Variants in CNTN4 observed in about 807,000 individuals in gnomAD.
CNTN4 encodes the protein contactin-4.
A neutral mutation model predicts 122.5 loss-of-function variants in CNTN4; 77 were observed. That is an observed-to-expected ratio of 0.63 (90% CI 0.52 to 0.76). The LOEUF is 0.76. Among genes scored for constraint, CNTN4 ranks in the 30% least tolerant of loss-of-function variants. CNTN4 has a pLI of 0.00. For missense variants in CNTN4, 1,256 were observed against 1,259.1 expected, an observed-to-expected ratio of 1.00 and a Z score of 0.04; for synonymous variants, 512 against 447.0, an observed-to-expected ratio of 1.15 and a Z score of -1.83.
chr3:2,359,909 T>G (rs2045051607), intron 3 of CNTN4, among the ~76,000 whole-genome samples: 1 of 152,206 alleles, frequency 6.6e-6, no homozygotes, highest in Admixed American at 6.5e-5. Flanking sequence ...TACCAAATTC[T>G]AAGTATTGTG....
intron 3 of CNTN4, among the ~76,000 whole-genome samples, chr3:2,400,429 A>ATATATATATATATATATG (rs2046809572): frequency 2.5e-4 from 3 of 11,948 alleles, no homozygotes; most frequent in Non-Finnish European, 4.0e-4. Flanking sequence ...ATATATATAC[A>ATATATATATATATATATG]TATATATATA....
At position 2,872,111 on chromosome 3, in the gene CNTN4, A is replaced by G. The variant is rs555640952; in HGVS notation, c.652+5162A>G. 3.0e-5 allele frequency among the ~76,000 whole-genome samples: 3 copies of G among 101,386 alleles called. No homozygotes were observed. The South Asian group carries it at 1.1e-3, about 37-fold the overall frequency. The allele number at this position is 101,386 out of a possible 152,430, so 66.5% of individuals were successfully genotyped here. ...TAAATAGTGATGAGCCTGCTCTGTT[A>G]TATGCTTCCTGCACAGATCTCAAAG... On this transcript the variant is annotated intron_variant, in intron 8 of 24. Transcript: ENST00000418658.
At chr3:2,916,377 A>G (rs2094355112) in intron 12 of CNTN4, among the ~76,000 whole-genome samples, 1 of 148,860 alleles carries the variant, frequency 6.7e-6, no homozygotes, top group South Asian at 2.2e-4. Context: ...GTCCCTGGGT[A>G]CTTGAGATTA....
intron 12 of CNTN4, among the ~76,000 whole-genome samples, chr3:2,925,326 C>T (rs200897380): frequency 3.3e-5 from 5 of 152,174 alleles, no homozygotes; most frequent in African/African-American, 4.8e-5. Context: ...GAGGCTGAGG[C>T]GGGCGGATCA....
Position 2,452,574 on chromosome 3 carries a change from G to A in CNTN4, c.-89+113341G>A, listed in dbSNP as rs542121685. Among the ~76,000 whole-genome samples, 3 of 152,240 alleles carry A rather than the reference G, an allele frequency of 2.0e-5. No homozygotes were observed. In the South Asian group the frequency reaches 6.2e-4, roughly 32 times the overall value. ...AGGCCATAACATTAGGTGGAGGAGG[G>A]CATGCGCACGGTTCCTGAAACTTAA... is the stretch of plus-strand genomic sequence containing the variant. On this transcript the variant is annotated intron_variant, in intron 3 of 24. Transcript: ENST00000418658.
intron 2 of CNTN4, among the ~76,000 whole-genome samples, chr3:2,194,478 A>G (rs1442359342): frequency 6.6e-6 from 1 of 152,146 alleles, no homozygotes; most frequent in Non-Finnish European, 1.5e-5. Context: ...AAGAAAGGAA[A>G]GAAATCAAAT....
At chr3:2,410,671 T>A (rs1220704851) in intron 3 of CNTN4, among the ~76,000 whole-genome samples, 2 of 152,176 alleles carry the variant, frequency 1.3e-5, no homozygotes, top group Non-Finnish European at 2.9e-5. Context: ...GAAGAATGTA[T>A]CAGCACAGAA....
At position 2,241,346 on chromosome 3, in the gene CNTN4, CAA is replaced by C. The variant is rs530319298; in HGVS notation, c.-144-97831_-144-97830del. ...GGATAGATAGTTACAATGCTGACAT[CAA>C]GAGTGTTCCCACGATTATTTCTCCG... On this transcript the variant is annotated intron_variant, in intron 2 of 24. Coordinates refer to ENST00000418658, the MANE Select transcript of CNTN4 (RefSeq NM_175607.3). 1.2e-4 allele frequency among the ~76,000 whole-genome samples: 18 copies of C among 152,218 alleles called. No homozygotes were observed. The East Asian group carries it at 3.5e-3, about 29-fold the overall frequency.
At chr3:2,117,050 C>T (rs2033403355) in intron 2 of CNTN4, among the ~76,000 whole-genome samples, 1 of 152,196 alleles carries the variant, frequency 6.6e-6, no homozygotes, top group South Asian at 2.1e-4. Flanking sequence ...TCAGTACTGA[C>T]ACTCTCTACT....
chr3:2,663,574 G>A (rs1236694998), intron 4 of CNTN4, among the ~76,000 whole-genome samples: 2 of 152,268 alleles, frequency 1.3e-5, no homozygotes, highest in South Asian at 4.2e-4. Context: ...GAAGCATGTG[G>A]AATGAATGCA....
At position 3,021,525 on chromosome 3, in the gene CNTN4, G is replaced by A. The variant is rs568729926; in HGVS notation, c.1487-4577G>A. Among the ~76,000 whole-genome samples, 338 of 152,204 alleles carry A rather than the reference G, an allele frequency of 2.2e-3. 4 individuals are homozygous for A. Among genetic ancestry groups the A allele is most frequent in the African/African-American group, 7.8e-3 (323 of 41,524 alleles). On this transcript the variant is annotated intron_variant, in intron 14 of 24. Coordinates refer to ENST00000418658, the MANE Select transcript of CNTN4 (RefSeq NM_175607.3). ...TATAAAAACTAATTTAAGGAAAAAA[G>A]ATACAACTCTACTGAAAGGCATCAT...
At position 2,690,524 on chromosome 3, in the gene CNTN4, C is replaced by A. The variant is rs867611452; in HGVS notation, c.56-45691C>A. ...CACAATTTAGGCAAATAATCAGTAT[C>A]CCATCCATGAAAGAGGTTGCTGTTG... On this transcript the variant is annotated intron_variant, in intron 4 of 24. Transcript: ENST00000418658. 5.9e-5 allele frequency among the ~76,000 whole-genome samples: 9 copies of A among 152,196 alleles called. No individual in the cohort carries two copies. The South Asian group carries it at 8.3e-4, about 14-fold the overall frequency.
In CNTN4 at chr3:2,968,495, C is replaced by T. The variant is rs115206406; in HGVS notation, c.1359-19850C>T. 2.4e-3 allele frequency among the ~76,000 whole-genome samples: 364 copies of T among 152,266 alleles called. 3 individuals are homozygous for T. The highest frequency in any genetic ancestry group is 8.4e-3 in the African/African-American group (351 of 41,540). On this transcript the variant is annotated intron_variant, in intron 13 of 24. Coordinates refer to ENST00000418658, the MANE Select transcript of CNTN4 (RefSeq NM_175607.3). The stretch of plus-strand genomic sequence containing the variant: ...ATCCAGAGTTCCTCTTGTTAAGTAA[C>T]TTTTTGTCTGAATTTTCTGAAAAAC...
rs2075979435 is a variant in CNTN4, at chr3:2,481,033, T to TTTTCTTTTCTTTCTTTCTTTCTTTCTTTC, written c.-88-90376_-88-90375insTCTTTCTTTCTTTCTTTCTTTCTTTCTTT. On this transcript the variant is annotated intron_variant, in intron 3 of 24. Coordinates refer to ENST00000418658, the MANE Select transcript of CNTN4 (RefSeq NM_175607.3). ...TCTTTCTTTCTTTCTTTTCTTTTTC[T>TTTTCTTTTCTTTCTTTCTTTCTTTCTTTC]TTTCTTTCTTTCTTTCTTTCTTTCT... is the stretch of plus-strand genomic sequence containing the variant. Among the ~76,000 whole-genome samples, 7 of 120,078 alleles carry TTTTCTTTTCTTTCTTTCTTTCTTTCTTTC rather than the reference T, an allele frequency of 5.8e-5. No homozygotes were observed. In the South Asian group the frequency reaches 8.0e-4, roughly 14 times the overall value. 78.8% of individuals were successfully genotyped at this position (120,078 alleles called of 152,430 possible). A position where few individuals can be genotyped will look rare whatever the true frequency, so the allele number is the denominator to read the frequency against.
chr3:2,480,344 T>A (rs993588765), intron 3 of CNTN4, among the ~76,000 whole-genome samples: 5 of 152,122 alleles, frequency 3.3e-5, no homozygotes, highest in African/African-American at 1.2e-4. Context: ...GTAGATGACA[T>A]GACTACCTAT....
At chr3:2,921,173 G>A (rs768362096) in intron 12 of CNTN4, among the ~76,000 whole-genome samples, 5 of 151,944 alleles carry the variant, frequency 3.3e-5, no homozygotes, top group African/African-American at 4.8e-5. Context: ...AAGAAGCAAG[G>A]GCTACAGGCA....
rs73019076 is a variant in CNTN4 at position 2,251,044 on chromosome 3, T to C, written c.-144-88134T>C. 1.8e-3 allele frequency among the ~76,000 whole-genome samples: 273 copies of C among 152,028 alleles called. 1 individual carries two copies. The highest frequency in any genetic ancestry group is 2.7e-3 in the Admixed American group (41 of 15,230). ...TATATAGTGTCATATCTAAATATTT[T>C]AAAAATACCAAATAAGAATATCCTG... On this transcript the variant is annotated intron_variant, in intron 2 of 24. Coordinates refer to ENST00000418658, the MANE Select transcript of CNTN4 (RefSeq NM_175607.3).
At chr3:2,839,794 C>G (rs949254171) in intron 7 of CNTN4, among the ~76,000 whole-genome samples, 4 of 152,196 alleles carry the variant, frequency 2.6e-5, no homozygotes, top group African/African-American at 9.7e-5. Context: ...CACTTGACAT[C>G]TCATTCACTT....
At position 2,385,785 on chromosome 3, in the gene CNTN4, C is replaced by G. The variant is rs1364571318; in HGVS notation, c.-89+46552C>G. The stretch of plus-strand genomic sequence containing the variant: ...ACCTATCCTAATGAACTCATCTTAA[C>G]TTGGTTACATTTGCAAAGACCCTGC... On this transcript the variant is annotated intron_variant, in intron 3 of 24. Coordinates refer to ENST00000418658, the MANE Select transcript of CNTN4 (RefSeq NM_175607.3). This position sits in a 1 kb window ranked among gnomAD's most constrained non-coding sequence, Gnocchi z 4.0. Among the ~76,000 whole-genome samples, 3 of 152,036 alleles carry G rather than the reference C, an allele frequency of 2.0e-5. No individual in the cohort carries two copies. Among genetic ancestry groups the G allele is most frequent in the East Asian group, 3.9e-4 (2 of 5,172 alleles).
Sources: allele counts gnomAD v4.1 joint callset (sites outside exome capture counted in the v4.1 genomes callset), GRCh38; gene constraint gnomAD v4.1.1; non-coding constraint Gnocchi (gnomAD v3.1); transcripts MANE v1.5; gene names NCBI Gene and HGNC (gene_info 2026-07-23, HGNC 2026-07-21).